Variants in POLR1E observed in about 807,000 individuals in gnomAD.
POLR1E encodes the protein RNA polymerase I subunit E, also known as DNA-directed RNA polymerase I subunit RPA49.
In POLR1E, 37 loss-of-function variants were observed where a neutral mutation model predicts 50.9. The ratio of observed to expected loss-of-function variants is 0.73; its 90% CI spans 0.56 to 0.96. The LOEUF is 0.96. POLR1E is among the 40% of genes least tolerant of loss of function. The pLI is 0.00. For synonymous variants in POLR1E, 166 were observed against 191.6 expected (o/e 0.87, Z 1.10); for missense variants, 426 against 518.1 (o/e 0.82, Z 1.73).
intron 9 of POLR1E, among the ~76,000 whole-genome samples, chr9:37,499,954 G>A (rs779304290): frequency 7.6e-4 from 113 of 149,026 alleles, no homozygotes; most frequent in Non-Finnish European, 1.4e-3. Context: ...GGGTTCAAGG[G>A]ATTCTCCTGC....
At chr9:37,503,000 T>C (rs563039641) in intron 11 of POLR1E, 43 bp from the exon 12 acceptor site, 2 of 1,562,200 alleles carry the variant, frequency 1.3e-6, no homozygotes, top group Admixed American at 3.8e-5. Context: ...TGAACAGTCA[T>C]GTTGAGGGGT....
At chr9:37,497,251 A>C (rs2119013569) in intron 8 of POLR1E, among the ~76,000 whole-genome samples, 1 of 152,344 alleles carries the variant, frequency 6.6e-6, no homozygotes, top group Non-Finnish European at 1.5e-5. Context: ...GCTACTCAGG[A>C]GACTGAGGCA....
At chr9:37,489,429 A>T (rs1376607332) in intron 4 of POLR1E, 29 bp downstream of exon 4, 1 of 1,502,926 alleles carries the variant, frequency 6.7e-7, no homozygotes, top group African/African-American at 1.4e-5. Context: ...AGCTGACAGA[A>T]ATAATGCATA....
chr9:37,501,732 G>A lies in POLR1E; in HGVS notation c.988G>A (p.Asp330Asn). The A allele has an allele frequency of 6.2e-7, 1 of 1,609,170 alleles. No homozygotes were observed. The highest frequency in any genetic ancestry group is 8.5e-7 in the Non-Finnish European group (1 of 1,178,886). Residue 330 changes from aspartate to asparagine, a missense_variant, in exon 11 of 12, where the codon GAT becomes AAT. Transcript: ENST00000377798. ...TTCTAGATTACGGAACTTAATTTCG[G>A]ATTCTATGAAGGCGAAGATTACTGC... The part of the protein sequence containing the change: ...NNGRLRNLIS[D>N]SMKAKITAYV...
chr9:37,486,038 G>C lies in POLR1E; in HGVS notation c.-10G>C, dbSNP rs773030513. On this transcript the variant is annotated 5_prime_UTR_variant, in exon 1 of 12. Coordinates refer to ENST00000377798, the MANE Select transcript of POLR1E (RefSeq NM_022490.4). ...TCTTAACTCCTGTGCTTGGCGGACAGACAGGCGAGATGGCGGCGGAGGTGT... is the reference window on the plus strand; with the variant it reads ...TCTTAACTCCTGTGCTTGGCGGACACACAGGCGAGATGGCGGCGGAGGTGT... The C allele has an allele frequency of 8.1e-6, 13 of 1,597,418 alleles. No individual in the cohort carries two copies. The highest frequency in any genetic ancestry group is 9.4e-6 in the Non-Finnish European group (11 of 1,173,954).
Position 37,495,280 on chromosome 9 carries a change from T to A in POLR1E, c.655+4T>A. 1 of 1,608,674 alleles carries A rather than the reference T, an allele frequency of 6.2e-7. No individual in the cohort carries two copies. The highest frequency in any genetic ancestry group is 8.5e-7 in the Non-Finnish European group (1 of 1,175,324). Reference sequence around the variant, plus strand: ...GACGTGTATAAATTTGAAGATCGTATCCTTCTTGCAGTAGAAAAGCTGCCT... The same window carrying A: ...GACGTGTATAAATTTGAAGATCGTAACCTTCTTGCAGTAGAAAAGCTGCCT... On this transcript the variant is annotated splice_donor_region_variant and intron_variant, in intron 7 of 11. Transcript: ENST00000377798.
At chr9:37,496,077 A>G in intron 8 of POLR1E, 91 bp downstream of exon 8, 1 of 882,748 alleles carries the variant, frequency 1.1e-6, no homozygotes, top group South Asian at 1.4e-5. Context: ...GGCGTCAGTC[A>G]GTGAGGAAGT....
intron 2 of POLR1E, among the ~76,000 whole-genome samples, chr9:37,487,008 A>G (rs1282681731): frequency 6.6e-6 from 1 of 152,194 alleles, no homozygotes; most frequent in Non-Finnish European, 1.5e-5. Flanking sequence ...CATTTATGGA[A>G]CCTGCCCCTC....
At position 37,490,729 on chromosome 9, in the gene POLR1E, C is replaced by T. The variant is rs1820668985; in HGVS notation, c.343+1329C>T. 5 of 671,850 alleles carry T rather than the reference C, an allele frequency of 7.4e-6. No individual in the cohort carries two copies. In the Admixed American group the frequency reaches 9.0e-5, roughly 12 times the overall value. The allele number at this position is 671,850 out of a possible 1,614,324, so 41.6% of individuals were successfully genotyped here. Reference sequence around the variant, plus strand: ...CGCTTCCAGTTTAGCCATGGTAACACTTGAGGGGCATTCCTTTTTGAACAG... The same window carrying T: ...CGCTTCCAGTTTAGCCATGGTAACATTTGAGGGGCATTCCTTTTTGAACAG... On this transcript the variant is annotated intron_variant, in intron 4 of 11. Coordinates refer to ENST00000377798, the MANE Select transcript of POLR1E (RefSeq NM_022490.4).
chr9:37,500,998 G>A lies in POLR1E; in HGVS notation c.968+77G>A, dbSNP rs1309396343. ...GTTGGGAGTGAGGAGCAGGGGCTTG[G>A]ACTCAATTCCATGTCCACGGAGATG... is the stretch of plus-strand genomic sequence containing the variant. On this transcript the variant is annotated intron_variant, in intron 10 of 11. Coordinates refer to ENST00000377798, the MANE Select transcript of POLR1E (RefSeq NM_022490.4). 3.0e-6 allele frequency: 4 copies of A among 1,353,764 alleles called. No homozygotes were observed. In the African/African-American group the frequency reaches 5.8e-5, roughly 20 times the overall value. The allele number at this position is 1,353,764 out of a possible 1,614,324, so 83.9% of individuals were successfully genotyped here.
intron 5 of POLR1E, 26 bp from the exon 6 acceptor site, chr9:37,493,533 A>C: frequency 6.4e-7 from 1 of 1,557,578 alleles, no homozygotes; most frequent in East Asian, 2.3e-5. Flanking sequence ...TCCTGTCCCC[A>C]GTAACCAGGT....
chr9:37,503,111 GT>G lies in POLR1E; in HGVS notation c.1170del (p.Ser390ArgfsTer84). On this transcript the variant is annotated frameshift_variant, in exon 12 of 12. Transcript: ENST00000377798. LOFTEE classifies it high-confidence loss of function. Reference sequence around the variant, plus strand: ...AGAAGGGTGTCTGTGGCCGCCGGCAGTGAAGAAGATCACAAGCTGGGCACCC... The same window carrying G: ...AGAAGGGTGTCTGTGGCCGCCGGCAGGAAGAAGATCACAAGCTGGGCACCC... ...SKRRVSVAAG[S>X]EEDHKLGTLS... 1 of 1,614,126 alleles carries G rather than the reference GT, an allele frequency of 6.2e-7. No homozygotes were observed. Among genetic ancestry groups the G allele is most frequent in the South Asian group, 1.1e-5 (1 of 91,082 alleles).
Position 37,486,251 on chromosome 9 carries a change from C to G in POLR1E, c.76+128C>G. ...GCCGGGACCCCTCTAGTCTCCACCA[C>G]TCCCCTGGGCTCTGTCAGGGCTCCC... is the stretch of plus-strand genomic sequence containing the variant. On this transcript the variant is annotated intron_variant, in intron 1 of 11. Coordinates refer to ENST00000377798, the MANE Select transcript of POLR1E (RefSeq NM_022490.4). The G allele has an allele frequency of 5.4e-6, 7 of 1,297,720 alleles. No homozygotes were observed. The South Asian group carries it at 9.1e-5, about 17-fold the overall frequency. The allele number at this position is 1,297,720 out of a possible 1,614,324, so 80.4% of individuals were successfully genotyped here. A position where few individuals can be genotyped will look rare whatever the true frequency, so the allele number is the denominator to read the frequency against.
intron 10 of POLR1E, 47 bp downstream of exon 10, chr9:37,500,968 T>TGGGGGTTGGGAGTGAGGAGCA (rs1222886178): frequency 1.2e-5 from 19 of 1,529,054 alleles, no homozygotes; most frequent in Non-Finnish European, 1.7e-5. Context: ...AGAAAGTAGG[T>TGGGGGTTGGGAGTGAGGAGCA]GGGGGTTGGG....
intron 3 of POLR1E, among the ~76,000 whole-genome samples, chr9:37,488,491 G>T (rs1820618220): frequency 1.3e-5 from 2 of 152,008 alleles, no homozygotes; most frequent in South Asian, 2.1e-4. Context: ...ACCCAACAAT[G>T]AACTACAAAC....
intron 1 of POLR1E, 117 bp downstream of exon 1, chr9:37,486,240 A>G: frequency 7.5e-7 from 1 of 1,333,976 alleles, no homozygotes; most frequent in Non-Finnish European, 1.0e-6. Context: ...GGACCCCTCT[A>G]GTCTCCACCA....
chr9:37,486,362 A>G (rs1820574431), intron 1 of POLR1E: 16 of 1,452,900 alleles, frequency 1.1e-5, no homozygotes, highest in Non-Finnish European at 1.5e-5. Context: ...GACCCTGCTG[A>G]CCCCCTCACC....
intron 3 of POLR1E, among the ~76,000 whole-genome samples, chr9:37,488,947 C>T (rs1029861128): frequency 1.3e-5 from 2 of 152,028 alleles, no homozygotes; most frequent in African/African-American, 4.8e-5. Flanking sequence ...AACTTTTGAA[C>T]AGGAAACAGG....
intron 4 of POLR1E, chr9:37,490,516 G>A (rs1052799430): frequency 7.6e-6 from 6 of 787,320 alleles, no homozygotes; most frequent in Middle Eastern, 3.5e-4. Context: ...GCAGGCTGGC[G>A]CTTCAGTTGA....
Sources: allele counts gnomAD v4.1 joint callset (sites outside exome capture counted in the v4.1 genomes callset), GRCh38; gene constraint gnomAD v4.1.1; transcripts MANE v1.5; gene names NCBI Gene and HGNC (gene_info 2026-07-23, HGNC 2026-07-21).